Variants in CTNNA3 observed in about 807,000 individuals in gnomAD.
CTNNA3 encodes the protein catenin alpha 3, also known as catenin alpha-3.
In CTNNA3, 76 loss-of-function variants were observed where a neutral mutation model predicts 95.7. That is an observed-to-expected ratio of 0.79 (90% CI 0.66 to 0.96). The LOEUF (loss-of-function observed/expected upper bound fraction) is 0.96. Among genes scored for constraint, CTNNA3 ranks in the 40% least tolerant of loss-of-function variants. The probability of loss-of-function intolerance (pLI) is 0.00; values close to 1 mark genes in which losing one functional copy is unlikely to be tolerated. For synonymous variants in CTNNA3, 431 were observed against 374.4 expected (o/e 1.15, Z -1.74); for missense variants, 1,191 against 1,089.8 (o/e 1.09, Z -1.31).
intron 15 of CTNNA3, among the ~76,000 whole-genome samples, chr10:66,058,686 C>A (rs773980700): frequency 2.0e-5 from 3 of 152,072 alleles, no homozygotes; most frequent in Non-Finnish European, 4.4e-5. Context: ...GTGCAACAGG[C>A]CATGCTTAAA....
At chr10:67,202,986 CT>C (rs1220318476) in intron 6 of CTNNA3, among the ~76,000 whole-genome samples, 1 of 152,090 alleles carries the variant, frequency 6.6e-6, no homozygotes, top group East Asian at 1.9e-4. Flanking sequence ...ACCATGTATA[CT>C]TGTGTTAAAA....
At chr10:66,278,427 G>A (rs893994807) in intron 13 of CTNNA3, among the ~76,000 whole-genome samples, 2 of 151,798 alleles carry the variant, frequency 1.3e-5, no homozygotes, top group East Asian at 1.9e-4. Context: ...TTTTTCTTAT[G>A]AGAAAAAGTT....
intron 2 of CTNNA3, among the ~76,000 whole-genome samples, chr10:67,641,775 C>A (rs962575718): frequency 1.1e-4 from 17 of 152,234 alleles, no homozygotes; most frequent in Middle Eastern, 3.4e-3. Context: ...CCAAACACCA[C>A]GTGTTCTCAC....
At chr10:66,875,529 ACTTGCTTTAAGCCT>A (rs1310926405) in intron 7 of CTNNA3, among the ~76,000 whole-genome samples, 5 of 152,156 alleles carry the variant, frequency 3.3e-5, no homozygotes, top group African/African-American at 1.2e-4. Flanking sequence ...GTTAAGCCTC[ACTTGCTTTAAGCCT>A]CTTGCTGATT....
chr10:67,063,311 T>TG (rs1275096477), intron 7 of CTNNA3, among the ~76,000 whole-genome samples: 10 of 152,188 alleles, frequency 6.6e-5, no homozygotes, highest in Admixed American at 3.3e-4. Context: ...TAAATGATTT[T>TG]GGGGAACAAC....
intron 13 of CTNNA3, among the ~76,000 whole-genome samples, chr10:66,179,063 G>T (rs989971884): frequency 2.6e-5 from 4 of 151,902 alleles, no homozygotes; most frequent in African/African-American, 9.7e-5. Context: ...ATTTATCCCA[G>T]AGAAAATAAA....
intron 13 of CTNNA3, among the ~76,000 whole-genome samples, chr10:66,258,066 CA>C (rs1039446088): frequency 2.0e-5 from 3 of 152,180 alleles, no homozygotes; most frequent in African/African-American, 7.2e-5. Context: ...CCCAGGGAAT[CA>C]GAGATAGCCT....
chr10:67,072,496 T>C (rs753775304), intron 7 of CTNNA3, among the ~76,000 whole-genome samples: 41 of 152,216 alleles, frequency 2.7e-4, no homozygotes, highest in Non-Finnish European at 5.0e-4. Flanking sequence ...TTCCAAACGA[T>C]ATCTTCCACC....
chr10:65,989,002 G>A (rs1027862867), intron 15 of CTNNA3, among the ~76,000 whole-genome samples: 1 of 152,110 alleles, frequency 6.6e-6, no homozygotes, highest in Non-Finnish European at 1.5e-5. Flanking sequence ...GTGCAGTGGT[G>A]CAGTCTCGGC....
intron 10 of CTNNA3, among the ~76,000 whole-genome samples, chr10:66,613,269 A>T (rs1844391426): frequency 6.6e-6 from 1 of 152,056 alleles, no homozygotes; most frequent in Non-Finnish European, 1.5e-5. Context: ...TTCTGCCAGG[A>T]CACACCACCT....
intron 1 of CTNNA3, among the ~76,000 whole-genome samples, chr10:67,704,097 C>G (rs1485558234): frequency 6.6e-6 from 1 of 152,136 alleles, no homozygotes; most frequent in African/African-American, 2.4e-5. Context: ...TCAAGGAGAA[C>G]TACAAACTAC....
At chr10:66,207,995 G>A (rs1376738338) in intron 13 of CTNNA3, among the ~76,000 whole-genome samples, 1 of 151,986 alleles carries the variant, frequency 6.6e-6, no homozygotes, top group Non-Finnish European at 1.5e-5. Context: ...TTTCTTCCAG[G>A]CACAATCAAC....
At chr10:66,575,887 A>G (rs1192939743) in intron 10 of CTNNA3, among the ~76,000 whole-genome samples, 1 of 152,118 alleles carries the variant, frequency 6.6e-6, no homozygotes, top group Non-Finnish European at 1.5e-5. Flanking sequence ...TCTGTTCTTT[A>G]ATACCTGTGA....
intron 5 of CTNNA3, among the ~76,000 whole-genome samples, chr10:67,464,207 T>C (rs1237339024): frequency 6.6e-6 from 1 of 152,218 alleles, no homozygotes; most frequent in African/African-American, 2.4e-5. Context: ...GATCTATTCA[T>C]GCTTGCCCTT....
At chr10:67,300,053 A>G (rs1840203373) in intron 5 of CTNNA3, among the ~76,000 whole-genome samples, 1 of 152,222 alleles carries the variant, frequency 6.6e-6, no homozygotes, top group Admixed American at 6.5e-5. Flanking sequence ...TTTGTTAGAA[A>G]TAAAAATTTT....
chr10:67,685,610 C>T (rs550304385), intron 1 of CTNNA3, among the ~76,000 whole-genome samples: 113 of 152,312 alleles, frequency 7.4e-4, no homozygotes, highest in South Asian at 3.1e-3. Flanking sequence ...TCAGTGCTTT[C>T]GGGCTACACC....
chr10:67,535,877 A>T (rs1428452934), intron 4 of CTNNA3, among the ~76,000 whole-genome samples: 1 of 152,144 alleles, frequency 6.6e-6, no homozygotes, highest in Non-Finnish European at 1.5e-5. Context: ...AGGCAGTGAG[A>T]AATTTCCTGA....
At chr10:66,363,895 A>G (rs1403028715) in intron 12 of CTNNA3, among the ~76,000 whole-genome samples, 2 of 152,206 alleles carry the variant, frequency 1.3e-5, no homozygotes, top group Non-Finnish European at 2.9e-5. Context: ...CAAGAGATCT[A>G]TATATGCTAT....
intron 10 of CTNNA3, among the ~76,000 whole-genome samples, chr10:66,590,007 T>C (rs1213649998): frequency 6.6e-6 from 1 of 152,052 alleles, no homozygotes; most frequent in Admixed American, 6.6e-5. Context: ...AGGAGTAAGA[T>C]TTTTTGAAAA....
Sources: allele counts gnomAD v4.1 joint callset (sites outside exome capture counted in the v4.1 genomes callset), GRCh38; gene constraint gnomAD v4.1.1; transcripts MANE v1.5; gene names NCBI Gene and HGNC (gene_info 2026-07-23, HGNC 2026-07-21).